Variants in PEG3 observed in about 807,000 individuals in gnomAD.
The protein encoded by PEG3 is paternally-expressed gene 3 protein.
In PEG3, 23 loss-of-function variants were observed where a neutral mutation model predicts 35.5. The ratio of observed to expected loss-of-function variants is 0.65; its 90% CI spans 0.47 to 0.92. PEG3 has a LOEUF of 0.92. Among genes scored for constraint, PEG3 ranks in the 40% least tolerant of loss-of-function variants. The pLI is 0.00. For synonymous variants in PEG3, 707 were observed against 697.0 expected (o/e 1.01, Z -0.23); for missense variants, 1,960 against 1,985.3 (o/e 0.99, Z 0.24).
At chr19:56,820,940 C>G (rs2060425001) in intron 7 of PEG3, among the ~76,000 whole-genome samples, 1 of 152,152 alleles carries the variant, frequency 6.6e-6, no homozygotes, top group African/African-American at 2.4e-5. Context: ...GTGCTGGGGT[C>G]CTCCTCCACA....
chr19:56,838,783 C>T (rs936519972), intron 1 of PEG3, among the ~76,000 whole-genome samples: 1 of 152,214 alleles, frequency 6.6e-6, no homozygotes, highest in Non-Finnish European at 1.5e-5. Flanking sequence ...ACACACAGCC[C>T]AAGGAGCGCG....
chr19:56,816,018 C>T lies in PEG3; in HGVS notation c.2424G>A (p.Gln808=), dbSNP rs1188865728. The T allele has an allele frequency of 1.3e-6, 2 of 1,591,688 alleles. No individual in the cohort carries two copies. Among genetic ancestry groups the T allele is most frequent in the Middle Eastern group, 1.7e-4 (1 of 5,918 alleles). Residue 808 remains glutamine, a synonymous_variant, in exon 10 of 10, where the codon CAG becomes CAA. Transcript: ENST00000326441. The stretch of plus-strand genomic sequence containing the variant: ...TCTGATGGTTGATAGCATCGAAGCT[C>T]TGAATGGTAGACTCTGCCATTACTT... ...KPKVMAESTI[Q]SFDAINHQRV...
intron 2 of PEG3, among the ~76,000 whole-genome samples, chr19:56,828,150 CT>C (rs1350129734): frequency 6.6e-6 from 1 of 152,306 alleles, no homozygotes; most frequent in Non-Finnish European, 1.5e-5. Flanking sequence ...CATCTTTACA[CT>C]GATGCTGAGC....
rs769636617 is a variant in PEG3, at chr19:56,836,065, C to T, written c.-210G>A. On this transcript the variant is annotated 5_prime_UTR_variant, in exon 2 of 10. Transcript: ENST00000326441. The stretch of plus-strand genomic sequence containing the variant: ...TGGACCTAGTCCCTCTTCCTCTCGC[C>T]AGTCGTCTCCAAGAAGGACGGAAGA... The T allele has an allele frequency of 2.0e-6, 1 of 505,456 alleles. No individual in the cohort carries two copies. The allele number at this position is 505,456 out of a possible 1,614,324, so 31.3% of individuals were successfully genotyped here.
chr19:56,831,288 G>A (rs554981627), intron 2 of PEG3, among the ~76,000 whole-genome samples: 77 of 152,274 alleles, frequency 5.1e-4, no homozygotes, highest in Non-Finnish European at 6.8e-4. Context: ...GACACATGGG[G>A]ACTTAATTTA....
At chr19:56,833,783 G>A (rs963831027) in intron 2 of PEG3, 7 of 152,598 alleles carry the variant, frequency 4.6e-5, no homozygotes, top group African/African-American at 1.7e-4. Flanking sequence ...AGGTACATAT[G>A]GGACATAGGG....
At chr19:56,840,503 G>C (rs2062892788) in intron 1 of PEG3, 79 bp downstream of exon 1, 1 of 152,274 alleles carries the variant, frequency 6.6e-6, no homozygotes, top group African/African-American at 2.4e-5. Context: ...GCGGCAAGAC[G>C]GCCACTCTGG....
At chr19:56,838,498 G>A (rs2062477730) in intron 1 of PEG3, among the ~76,000 whole-genome samples, 1 of 152,134 alleles carries the variant, frequency 6.6e-6, no homozygotes, top group East Asian at 1.9e-4. Context: ...TGCACAACCC[G>A]CCTCGCAGCT....
At position 56,811,448 on chromosome 19, in the gene PEG3, G is replaced by A. The variant is rs2059534960; in HGVS notation, c.*2227C>T. ...ATATTTCCACGTTGCTACATAACTCGTGATTATCATTTTTAAACAGTTGCA... is the reference window on the plus strand; with the variant it reads ...ATATTTCCACGTTGCTACATAACTCATGATTATCATTTTTAAACAGTTGCA... On this transcript the variant is annotated 3_prime_UTR_variant, in exon 10 of 10. Coordinates refer to ENST00000326441, the MANE Select transcript of PEG3 (RefSeq NM_006210.3). The A allele has an allele frequency of 5.3e-6, 5 of 944,574 alleles. No individual in the cohort carries two copies. The highest frequency in any genetic ancestry group is 6.3e-6 in the Non-Finnish European group (5 of 792,894). The allele number at this position is 944,574 out of a possible 1,614,324, so 58.5% of individuals were successfully genotyped here. A position where few individuals can be genotyped will look rare whatever the true frequency, so the allele number is the denominator to read the frequency against.
At chr19:56,838,260 C>A (rs1442331620) in intron 1 of PEG3, among the ~76,000 whole-genome samples, 3 of 152,098 alleles carry the variant, frequency 2.0e-5, no homozygotes, top group Admixed American at 1.3e-4. Context: ...GGACCAGGCT[C>A]GGCAGCCCCT....
Position 56,812,223 on chromosome 19 carries a change from G to A in PEG3, c.*1452C>T, listed in dbSNP as rs773078301. On this transcript the variant is annotated 3_prime_UTR_variant, in exon 10 of 10. Transcript: ENST00000326441. Reference sequence around the variant, plus strand: ...AGGGGAGGGGAAGCAAAGGAGCACAGGTAGTCCACAGAATAGGACACAAGA... The same window carrying A: ...AGGGGAGGGGAAGCAAAGGAGCACAAGTAGTCCACAGAATAGGACACAAGA... 1.6e-4 allele frequency: 159 copies of A among 981,524 alleles called. No individual in the cohort carries two copies. The highest frequency in any genetic ancestry group is 1.2e-4 in the Non-Finnish European group (98 of 826,752). The allele number at this position is 981,524 out of a possible 1,614,324, so 60.8% of individuals were successfully genotyped here. A position where few individuals can be genotyped will look rare whatever the true frequency, so the allele number is the denominator to read the frequency against.
chr19:56,839,246 A>AT (rs2062643486), intron 1 of PEG3, among the ~76,000 whole-genome samples: 5 of 148,366 alleles, frequency 3.4e-5, no homozygotes, highest in Admixed American at 6.8e-5. Context: ...CTGCGCAGCA[A>AT]ACTCCAGCAG....
chr19:56,825,229 C>T (rs2060904693), intron 3 of PEG3, among the ~76,000 whole-genome samples: 1 of 152,210 alleles, frequency 6.6e-6, no homozygotes, highest in Non-Finnish European at 1.5e-5. Flanking sequence ...AACATTTCTT[C>T]CCTTAACACA....
chr19:56,817,972 C>T, intron 8 of PEG3, 137 bp from the exon 9 acceptor site: 1 of 664,612 alleles, frequency 1.5e-6, no homozygotes, highest in Non-Finnish European at 2.7e-6. Context: ...TGTCAGAAGA[C>T]ATTTGCTGTC....
Position 56,814,149 on chromosome 19 carries a change from C to A in PEG3, c.4293G>T (p.Glu1431Asp). The change falls in exon 10 of 10, where the codon GAG (glutamate) becomes GAT (aspartate). Residue 1431 changes from glutamate to aspartate, a missense_variant. By Grantham distance (45) the Glu-to-Asp change is conservative. This residue lies in a region of PEG3 where 416 missense variants were observed against 416.7 expected (regional missense o/e 1.00). Coordinates refer to ENST00000326441, the MANE Select transcript of PEG3 (RefSeq NM_006210.3). This position sits in a 1 kb window ranked among gnomAD's most constrained non-coding sequence, Gnocchi z 5.8. Reference sequence around the variant, plus strand: ...TTGGCTGTCCAGCCTCTCCAATGGGCTCTGCAGCCTCTCCATCTGGCCCTT... The same window carrying A: ...TTGGCTGTCCAGCCTCTCCAATGGGATCTGCAGCCTCTCCATCTGGCCCTT... ...EAEGPDGEAA[E>D]PIGEAGQPNG... 1 of 1,614,194 alleles carries A rather than the reference C, an allele frequency of 6.2e-7. No individual in the cohort carries two copies. Among genetic ancestry groups the A allele is most frequent in the Non-Finnish European group, 8.5e-7 (1 of 1,180,042 alleles).
In PEG3 at chr19:56,814,688, A is replaced by G. The variant is rs181195047; in HGVS notation, c.3754T>C (p.Leu1252=). Residue 1252 remains leucine, a synonymous_variant, in exon 10 of 10, where the codon TTA becomes CTA. Transcript: ENST00000326441. This position sits in a 1 kb window ranked among gnomAD's most constrained non-coding sequence, Gnocchi z 5.8. ...EHMRLHREDD[L]LEQSQMAEEA... ...TCAGCCATCTGGCTCTGCTCCAGTA[A>G]ATCATCTTCCCTATGAAGTCTCATA... The G allele has an allele frequency of 6.2e-7, 1 of 1,614,068 alleles. No homozygotes were observed. Among genetic ancestry groups the G allele is most frequent in the South Asian group, 1.1e-5 (1 of 91,070 alleles).
chr19:56,831,231 C>T (rs566045216), intron 2 of PEG3, among the ~76,000 whole-genome samples: 2 of 152,254 alleles, frequency 1.3e-5, no homozygotes, highest in East Asian at 1.9e-4. Context: ...ACAAATATAC[C>T]ACTGGGACAT....
At chr19:56,820,116 A>T (rs1332937270) in intron 7 of PEG3, among the ~76,000 whole-genome samples, 2 of 152,246 alleles carry the variant, frequency 1.3e-5, no homozygotes, top group Non-Finnish European at 2.9e-5. Context: ...TTGTGTTTGT[A>T]ATCAACAATG....
In PEG3 at chr19:56,821,728, G is replaced by C; in HGVS notation, c.592C>G (p.Pro198Ala). ...SRMPPRDLSL[P>A]VVAKTSFEMD... ...TCAAAGCTTGTTTTCGCCACCACAG[G>C]AAGGGAAAGATCCCGCGGAGGCATC... Residue 198 changes from proline (P) to alanine (A), a missense_variant, in exon 7 of 10, where the codon CCT (proline) becomes GCT (alanine). Physicochemically the swap from Pro to Ala is conservative, Grantham distance 27 (BLOSUM62 -1). Coordinates refer to ENST00000326441, the MANE Select transcript of PEG3 (RefSeq NM_006210.3). The C allele has an allele frequency of 6.2e-7, 1 of 1,614,064 alleles. No homozygotes were observed. Among genetic ancestry groups the C allele is most frequent in the Non-Finnish European group, 8.5e-7 (1 of 1,180,024 alleles).
Sources: gnomAD v4.1 joint callset for allele counts (sites outside exome capture counted in the v4.1 genomes callset) on GRCh38, gnomAD v4.1.1 for gene constraint, gnomAD v4.1.1 regional missense constraint, Gnocchi (gnomAD v3.1) non-coding constraint, MANE v1.5 for transcripts, NCBI Gene and HGNC (gene_info 2026-07-23, HGNC 2026-07-21) for gene names.